Variants in TRDN observed in about 807,000 individuals in gnomAD.
The protein encoded by TRDN is triadin in skeletal muscle.
In TRDN, 161 loss-of-function variants were observed where a neutral mutation model predicts 149.7. The observed-to-expected ratio is 1.08, with a 90% CI of 0.95 to 1.23. TRDN has a LOEUF of 1.23. TRDN is among the 50% of genes most tolerant of loss of function. The pLI is 0.00. For synonymous variants in TRDN, 294 were observed against 250.5 expected, an observed-to-expected ratio of 1.17 and a Z score of -1.64; for missense variants, 896 against 823.5, an observed-to-expected ratio of 1.09 and a Z score of -1.08.
intron 1 of TRDN, among the ~76,000 whole-genome samples, chr6:123,573,204 T>C (rs1242741912): frequency 6.6e-6 from 1 of 152,074 alleles, no homozygotes; most frequent in African/African-American, 2.4e-5. Flanking sequence ...GCTATTACAC[T>C]ACATCTCTGA....
intron 15 of TRDN, among the ~76,000 whole-genome samples, chr6:123,381,669 C>G (rs937855045): frequency 6.6e-6 from 1 of 151,976 alleles, no homozygotes; most frequent in Admixed American, 6.6e-5. Context: ...GTAATAGTCT[C>G]TTAAACACAT....
chr6:123,509,169 T>C (rs1176193870), intron 7 of TRDN, among the ~76,000 whole-genome samples: 1 of 151,846 alleles, frequency 6.6e-6, no homozygotes, highest in East Asian at 1.9e-4. Context: ...TATATGTATG[T>C]TTGTGTGTGT....
At chr6:123,603,091 CA>C (rs1554262245) in intron 1 of TRDN, among the ~76,000 whole-genome samples, 1 of 147,870 alleles carries the variant, frequency 6.8e-6, no homozygotes. Context: ...TAATGTATAA[CA>C]AATGGATAAA....
chr6:123,510,118 G>A (rs1779105964), intron 7 of TRDN: 1 of 151,696 alleles, frequency 6.6e-6, no homozygotes, highest in African/African-American at 2.4e-5. Context: ...TTATGAAACA[G>A]GAGAAACAAA....
chr6:123,231,226 A>G (rs1447857635), intron 38 of TRDN, among the ~76,000 whole-genome samples: 1 of 152,002 alleles, frequency 6.6e-6, no homozygotes, highest in African/African-American at 2.4e-5. Context: ...AAACCCATAT[A>G]GAGAAAATGA....
At chr6:123,305,549 T>C (rs1384591272) in intron 24 of TRDN, among the ~76,000 whole-genome samples, 1 of 152,146 alleles carries the variant, frequency 6.6e-6, no homozygotes, top group African/African-American at 2.4e-5. Context: ...ATGTCTGGTA[T>C]ATGAAACACA....
At chr6:123,411,346 G>A (rs1482456159) in intron 12 of TRDN, among the ~76,000 whole-genome samples, 1 of 151,996 alleles carries the variant, frequency 6.6e-6, no homozygotes, top group Non-Finnish European at 1.5e-5. Flanking sequence ...CACCCAGCCT[G>A]AATAACTACT....
intron 38 of TRDN, among the ~76,000 whole-genome samples, chr6:123,245,243 C>G (rs1294238408): frequency 6.6e-6 from 1 of 152,090 alleles, no homozygotes; most frequent in Non-Finnish European, 1.5e-5. Context: ...TCACACATAA[C>G]AATGTTAACC....
intron 5 of TRDN, among the ~76,000 whole-genome samples, chr6:123,520,411 A>G (rs932373476): frequency 2.6e-5 from 4 of 152,122 alleles, no homozygotes; most frequent in Admixed American, 2.6e-4. Context: ...TAATTGCTAA[A>G]CCAGGACTCT....
intron 35 of TRDN, among the ~76,000 whole-genome samples, chr6:123,258,193 G>A (rs912672727): frequency 6.6e-6 from 1 of 152,056 alleles, no homozygotes; most frequent in Non-Finnish European, 1.5e-5. Flanking sequence ...TGGTGAAAGA[G>A]GGCATCCTTG....
At chr6:123,430,546 C>A (rs1177615073) in intron 12 of TRDN, among the ~76,000 whole-genome samples, 1 of 151,928 alleles carries the variant, frequency 6.6e-6, no homozygotes, top group Non-Finnish European at 1.5e-5. Flanking sequence ...CGCGCCACTG[C>A]ACTCCAGCCT....
At chr6:123,563,535 A>G (rs1782112316) in intron 2 of TRDN, among the ~76,000 whole-genome samples, 1 of 152,220 alleles carries the variant, frequency 6.6e-6, no homozygotes. Context: ...TATAATAAGA[A>G]ATGGGAACAC....
chr6:123,528,603 A>G, intron 5 of TRDN: 5 of 979,912 alleles, frequency 5.1e-6, no homozygotes, highest in Non-Finnish European at 6.1e-6. Context: ...TTAAATTCCT[A>G]ACTATCCATC....
rs764041488 is a variant in TRDN at position 123,260,656 on chromosome 6, A to AG, written c.1805-19_1805-18insC. ...TGTTCCTTCTTTAGAAAAAAAAAAAAAAAGAATGTAGAAAGAAAGGAAAAA... is the reference window on the plus strand; with the variant it reads ...TGTTCCTTCTTTAGAAAAAAAAAAAAGAAAGAATGTAGAAAGAAAGGAAAAA... On this transcript the variant is annotated intron_variant, in intron 33 of 40. Transcript: ENST00000334268. The AG allele has an allele frequency of 4.8e-6, 7 of 1,458,996 alleles. No individual in the cohort carries two copies. Among genetic ancestry groups the AG allele is most frequent in the Admixed American group, 2.7e-5 (1 of 36,574 alleles). 90.4% of individuals were successfully genotyped at this position (1,458,996 alleles called of 1,614,324 possible). A position where few individuals can be genotyped will look rare whatever the true frequency, so the allele number is the denominator to read the frequency against.
chr6:123,621,096 C>G (rs924429772), intron 1 of TRDN, among the ~76,000 whole-genome samples: 1 of 152,072 alleles, frequency 6.6e-6, no homozygotes, highest in Non-Finnish European at 1.5e-5. Context: ...ACATGACATT[C>G]AATCAATATT....
intron 23 of TRDN, among the ~76,000 whole-genome samples, chr6:123,320,373 C>T (rs940131245): frequency 6.6e-6 from 1 of 151,554 alleles, no homozygotes; most frequent in African/African-American, 2.4e-5. Context: ...TTCATGAGTC[C>T]TGGGATGATT....
chr6:123,369,851 T>C (rs1041584966), intron 19 of TRDN, among the ~76,000 whole-genome samples: 1 of 152,170 alleles, frequency 6.6e-6, no homozygotes, highest in Non-Finnish European at 1.5e-5. Context: ...CAGTATTGCT[T>C]CGATCTGCTC....
intron 2 of TRDN, among the ~76,000 whole-genome samples, chr6:123,569,214 A>G (rs1329042164): frequency 6.6e-6 from 1 of 152,208 alleles, no homozygotes; most frequent in East Asian, 1.9e-4. Context: ...GCTAAGGCAT[A>G]ACATGCATCA....
At chr6:123,361,028 C>G (rs1254923168) in intron 20 of TRDN, among the ~76,000 whole-genome samples, 6 of 152,086 alleles carry the variant, frequency 3.9e-5, no homozygotes, top group Non-Finnish European at 7.4e-5. Context: ...GTGAATAGTG[C>G]CGCAATAAAC....
Sources: allele counts gnomAD v4.1 joint callset (sites outside exome capture counted in the v4.1 genomes callset), GRCh38; gene constraint gnomAD v4.1.1; transcripts MANE v1.5; gene names NCBI Gene and HGNC (gene_info 2026-07-23, HGNC 2026-07-21).